The following GBE1 variants were observed in gnomAD, a reference collection of about 807,000 sequenced individuals.
GBE1 encodes the protein 1,4-alpha-glucan-branching enzyme.
In GBE1, 70 loss-of-function variants were observed where a neutral mutation model predicts 88.8. The observed-to-expected ratio is 0.79, with a 90% CI of 0.65 to 0.96. The LOEUF (loss-of-function observed/expected upper bound fraction) is 0.96. GBE1 is among the 40% of genes least tolerant of loss of function. The pLI is 0.00. For synonymous variants in GBE1, 284 were observed against 300.1 expected, an observed-to-expected ratio of 0.95 and a Z score of 0.56; for missense variants, 872 against 871.0, an observed-to-expected ratio of 1.00 and a Z score of -0.01.
chr3:81,553,154 T>A lies in GBE1; in HGVS notation c.1619-16059A>T, dbSNP rs77020963. On this transcript the variant is annotated intron_variant, in intron 12 of 15. Coordinates refer to ENST00000429644, the MANE Select transcript of GBE1 (RefSeq NM_000158.4). ...AAAGAATGTACTTCCAATTCCACTATCAAATGTACGAATGAAGTGTATTTA... is the reference window on the plus strand; with the variant it reads ...AAAGAATGTACTTCCAATTCCACTAACAAATGTACGAATGAAGTGTATTTA... 3.2e-3 allele frequency among the ~76,000 whole-genome samples: 495 copies of A among 152,326 alleles called. 2 individuals carry two copies. Among genetic ancestry groups the A allele is most frequent in the African/African-American group, 0.011 (465 of 41,572 alleles).
chr3:81,758,787 C>T lies in GBE1; in HGVS notation c.143+2588G>A, dbSNP rs185875850. On this transcript the variant is annotated intron_variant, in intron 1 of 15. Coordinates refer to ENST00000429644, the MANE Select transcript of GBE1 (RefSeq NM_000158.4). ...AGCAGAGTAACTCATTAATCCTCTA[C>T]ACTTGATTCAAAATTCTCACAGGTA... 1.7e-3 allele frequency among the ~76,000 whole-genome samples: 253 copies of T among 152,294 alleles called. 1 individual carries two copies. Among genetic ancestry groups the T allele is most frequent in the Non-Finnish European group, 2.7e-3 (183 of 68,026 alleles).
chr3:81,546,919 C>T (rs1456757910), intron 12 of GBE1, among the ~76,000 whole-genome samples: 1 of 150,976 alleles, frequency 6.6e-6, no homozygotes, highest in Non-Finnish European at 1.5e-5. Flanking sequence ...GGATCAGGAC[C>T]CCTTTCCGGT....
intron 12 of GBE1, among the ~76,000 whole-genome samples, chr3:81,569,429 T>C (rs1187564360): frequency 2.0e-5 from 3 of 152,246 alleles, no homozygotes; most frequent in African/African-American, 4.8e-5. Flanking sequence ...GCCATTTACA[T>C]GATATGGCAT....
At chr3:81,750,537 A>ATATATATATATGTATATATATATATG (rs1559708288) in intron 1 of GBE1, among the ~76,000 whole-genome samples, 1 of 70,674 alleles carries the variant, frequency 1.4e-5, no homozygotes, top group African/African-American at 1.0e-4. Flanking sequence ...ATATATATAT[A>ATATATATATATGTATATATATATATG]CGTATATATA....
intron 1 of GBE1, among the ~76,000 whole-genome samples, chr3:81,743,841 C>T (rs1706385140): frequency 1.3e-5 from 2 of 152,084 alleles, no homozygotes; most frequent in Non-Finnish European, 1.5e-5. Flanking sequence ...CGTGGACTAG[C>T]CATGCCAAGT....
At chr3:81,620,414 C>T (rs1704310652) in intron 7 of GBE1, among the ~76,000 whole-genome samples, 1 of 151,990 alleles carries the variant, frequency 6.6e-6, no homozygotes. Context: ...GAACTCCTGA[C>T]CTCGTAATCC....
chr3:81,638,339 T>A lies in GBE1; in HGVS notation c.992+4442A>T, dbSNP rs986244158. On this transcript the variant is annotated intron_variant, in intron 7 of 15. Transcript: ENST00000429644. ...TGAGCATTAGATCTACTTTGCTATC[T>A]CCTTTAGAAGTCAGTATTTTATCTT... Among the ~76,000 whole-genome samples the A allele has an allele frequency of 2.9e-4, 44 of 152,276 alleles. 1 individual carries two copies. Among genetic ancestry groups the A allele is most frequent in the African/African-American group, 8.9e-4 (37 of 41,578 alleles).
intron 4 of GBE1, 83 bp from the exon 5 acceptor site, chr3:81,649,074 G>A: frequency 1.1e-6 from 1 of 914,888 alleles, no homozygotes; most frequent in Non-Finnish European, 1.6e-6. Context: ...TTAAAAAGTG[G>A]TGAATATACT....
rs1187869776 is a variant in GBE1, at chr3:81,750,675, G to GTA, written c.143+10698_143+10699dup. ...TATATATATGTATATATATATATAC[G>GTA]TATATATATATATATATATGTATTT... On this transcript the variant is annotated intron_variant, in intron 1 of 15. Coordinates refer to ENST00000429644, the MANE Select transcript of GBE1 (RefSeq NM_000158.4). 9.1e-3 allele frequency among the ~76,000 whole-genome samples: 501 copies of GTA among 54,984 alleles called. 28 individuals are homozygous for GTA. The highest frequency in any genetic ancestry group is 0.028 in the East Asian group (17 of 602). 36.1% of individuals were successfully genotyped at this position (54,984 alleles called of 152,430 possible). A position where few individuals can be genotyped will look rare whatever the true frequency, so the allele number is the denominator to read the frequency against.
intron 2 of GBE1, among the ~76,000 whole-genome samples, chr3:81,693,682 T>G (rs1705553246): frequency 6.6e-6 from 1 of 152,122 alleles, no homozygotes; most frequent in Admixed American, 6.6e-5. Context: ...TGAATTTAAA[T>G]TCTGGATCTT....
intron 11 of GBE1, among the ~76,000 whole-genome samples, chr3:81,580,138 C>G (rs1225389789): frequency 6.6e-6 from 1 of 152,114 alleles, no homozygotes; most frequent in Non-Finnish European, 1.5e-5. Context: ...AATAAAGATA[C>G]TTTAAGTAAC....
chr3:81,750,692 T>C (rs1475726174), intron 1 of GBE1, among the ~76,000 whole-genome samples: 2 of 103,524 alleles, frequency 1.9e-5, no homozygotes, highest in African/African-American at 8.4e-5. Flanking sequence ...TATATATATA[T>C]ATGTATTTTT....
intron 7 of GBE1, among the ~76,000 whole-genome samples, chr3:81,628,742 C>CATAA (rs1553687051): frequency 1.5e-5 from 1 of 65,418 alleles, no homozygotes; most frequent in African/African-American, 6.3e-5. Flanking sequence ...AGAACAATTG[C>CATAA]ATATATATAT....
intron 14 of GBE1, among the ~76,000 whole-genome samples, chr3:81,526,533 C>A (rs1320165648): frequency 6.6e-6 from 1 of 152,048 alleles, no homozygotes. Flanking sequence ...TCTCAGGATG[C>A]AAAATCATGT....
At chr3:81,580,121 A>G (rs187490312) in intron 11 of GBE1, among the ~76,000 whole-genome samples, 40 of 152,286 alleles carry the variant, frequency 2.6e-4, no homozygotes, top group African/African-American at 9.1e-4. Context: ...TTTAGTTTCA[A>G]TTTTTTAATA....
At chr3:81,591,197 T>A in intron 8 of GBE1, 33 bp from the exon 9 acceptor site, 1 of 1,541,478 alleles carries the variant, frequency 6.5e-7, no homozygotes, top group African/African-American at 1.4e-5. Flanking sequence ...GGATATATTA[T>A]GTTAACAAGC....
chr3:81,653,656 T>C (rs1405293162), intron 3 of GBE1, among the ~76,000 whole-genome samples: 2 of 152,190 alleles, frequency 1.3e-5, no homozygotes, highest in African/African-American at 2.4e-5. Flanking sequence ...GAATAATGTA[T>C]AGTTGTTAAA....
intron 14 of GBE1, among the ~76,000 whole-genome samples, chr3:81,524,288 T>C (rs1481928790): frequency 6.6e-6 from 1 of 151,958 alleles, no homozygotes. Flanking sequence ...GTCATTTGTA[T>C]GTCTTCTTGA....
chr3:81,496,685 T>G (rs918149028), intron 15 of GBE1, among the ~76,000 whole-genome samples: 1 of 152,202 alleles, frequency 6.6e-6, no homozygotes, highest in African/African-American at 2.4e-5. Context: ...TAATGAAGCA[T>G]TATTAGAATA....
Sources: allele counts gnomAD v4.1 joint callset (sites outside exome capture counted in the v4.1 genomes callset), GRCh38; gene constraint gnomAD v4.1.1; transcripts MANE v1.5; gene names NCBI Gene and HGNC (gene_info 2026-07-23, HGNC 2026-07-21).